The following CSMD3 variants were observed in gnomAD, a reference collection of about 807,000 sequenced individuals.
The protein encoded by CSMD3 is CUB and sushi domain-containing protein 3.
Under a neutral mutation model 435.2 loss-of-function variants are expected in CSMD3, and 177 were observed. The observed-to-expected ratio is 0.41, with a 90% confidence interval of 0.36 to 0.46. The LOEUF is 0.46. Ranked by LOEUF, CSMD3 falls within the 20% of genes least tolerant of loss-of-function variation. The pLI is 0.34. For synonymous variants in CSMD3, 1,656 were observed against 1,520.5 expected, an observed-to-expected ratio of 1.09 and a Z score of -2.07; for missense variants, 4,265 against 4,504.6, an observed-to-expected ratio of 0.95 and a Z score of 1.52.
chr8:113,304,889 A>G (rs2093805713), intron 2 of CSMD3, among the ~76,000 whole-genome samples: 1 of 133,224 alleles, frequency 7.5e-6, no homozygotes, highest in Non-Finnish European at 1.6e-5. Context: ...CAATGTGCAC[A>G]TGTACCCTAA....
chr8:112,758,309 G>C (rs1052232919), intron 13 of CSMD3, among the ~76,000 whole-genome samples: 1 of 150,192 alleles, frequency 6.7e-6, no homozygotes, highest in Non-Finnish European at 1.5e-5. Context: ...CAGGGATCGC[G>C]CCACTGTACT....
At chr8:112,504,125 T>G in intron 29 of CSMD3, 148 bp from the exon 30 acceptor site, 1 of 550,182 alleles carries the variant, frequency 1.8e-6, no homozygotes, top group Non-Finnish European at 3.1e-6. Flanking sequence ...ATATAAAAAA[T>G]CACCTGGCAA....
At chr8:112,735,090 T>C (rs769628603) in intron 13 of CSMD3, among the ~76,000 whole-genome samples, 1 of 152,024 alleles carries the variant, frequency 6.6e-6, no homozygotes, top group Non-Finnish European at 1.5e-5. Flanking sequence ...AAAGATTGTT[T>C]GGATATTGGG....
chr8:112,400,937 T>A (rs1005104453), intron 35 of CSMD3, among the ~76,000 whole-genome samples: 5 of 152,294 alleles, frequency 3.3e-5, no homozygotes, highest in African/African-American at 1.2e-4. Flanking sequence ...CCAGGCCCGG[T>A]GGCTCACACC....
chr8:112,650,135 A>G, intron 19 of CSMD3, 26 bp downstream of exon 19: 1 of 1,512,476 alleles, frequency 6.6e-7, no homozygotes. Flanking sequence ...AAATCAGCAT[A>G]TTTTGCATGT....
chr8:112,429,711 T>C (rs1481283037), intron 32 of CSMD3, among the ~76,000 whole-genome samples: 2 of 152,050 alleles, frequency 1.3e-5, no homozygotes, highest in African/African-American at 2.4e-5. Context: ...TAAAGTCACA[T>C]TGAACTTTAC....
chr8:112,239,634 T>C (rs1365528743), intron 66 of CSMD3, among the ~76,000 whole-genome samples: 1 of 152,116 alleles, frequency 6.6e-6, no homozygotes, highest in East Asian at 1.9e-4. Flanking sequence ...CATTTTCTTT[T>C]ATTAGTTCTA....
At chr8:113,397,541 C>T (rs1474736479) in intron 1 of CSMD3, among the ~76,000 whole-genome samples, 1 of 152,014 alleles carries the variant, frequency 6.6e-6, no homozygotes, top group Non-Finnish European at 1.5e-5. Context: ...AGACTGTGGG[C>T]CGGGCGCGGT....
intron 42 of CSMD3, among the ~76,000 whole-genome samples, 175 bp downstream of exon 42, chr8:112,341,302 T>C (rs1825085618): frequency 6.6e-6 from 1 of 151,928 alleles, no homozygotes; most frequent in Non-Finnish European, 1.5e-5. Context: ...TCTCCCTGTG[T>C]AGTTCCCAGA....
At chr8:112,300,773 A>G (rs1820846979) in intron 53 of CSMD3, among the ~76,000 whole-genome samples, 1 of 152,182 alleles carries the variant, frequency 6.6e-6, no homozygotes, top group African/African-American at 2.4e-5. Context: ...GAGAAGGAGA[A>G]AAAAGACATT....
chr8:112,769,202 T>G (rs887015932), intron 13 of CSMD3, among the ~76,000 whole-genome samples: 2 of 151,992 alleles, frequency 1.3e-5, no homozygotes, highest in Non-Finnish European at 2.9e-5. Flanking sequence ...TTATGATATA[T>G]TCTCAATATA....
chr8:112,683,725 T>C (rs940185413), intron 15 of CSMD3, among the ~76,000 whole-genome samples: 2 of 151,922 alleles, frequency 1.3e-5, no homozygotes, highest in African/African-American at 4.8e-5. Flanking sequence ...TTATAACTTA[T>C]TATTATATTC....
intron 4 of CSMD3, among the ~76,000 whole-genome samples, chr8:113,112,434 T>TATATATATATGTATATAC (rs2090680224): frequency 9.5e-5 from 2 of 21,072 alleles, no homozygotes; most frequent in Non-Finnish European, 1.5e-4. Flanking sequence ...TATATATATA[T>TATATATATATGTATATAC]ATATATATAT....
intron 3 of CSMD3, among the ~76,000 whole-genome samples, chr8:113,224,592 G>T (rs753671406): frequency 6.6e-5 from 10 of 151,066 alleles, no homozygotes; most frequent in Middle Eastern, 6.8e-3. Flanking sequence ...TACATTAGAG[G>T]CAACTAAAAT....
chr8:112,331,684 T>C (rs1211509304), intron 45 of CSMD3, among the ~76,000 whole-genome samples: 1 of 151,920 alleles, frequency 6.6e-6, no homozygotes, highest in Non-Finnish European at 1.5e-5. Context: ...AAAATAAATA[T>C]ACAAGTCTTG....
chr8:112,698,780 G>C (rs1450277546), intron 13 of CSMD3, among the ~76,000 whole-genome samples: 1 of 152,148 alleles, frequency 6.6e-6, no homozygotes, highest in African/African-American at 2.4e-5. Context: ...TCTCCATAAA[G>C]AGGTGAAAGG....
chr8:113,225,879 T>C (rs1468696493), intron 3 of CSMD3, among the ~76,000 whole-genome samples: 3 of 151,560 alleles, frequency 2.0e-5, no homozygotes, highest in Non-Finnish European at 4.4e-5. Context: ...TCCCCACTTG[T>C]TGAAGAACGG....
At position 112,341,472 on chromosome 8, in the gene CSMD3, C is replaced by A. The variant is rs993702828; in HGVS notation, c.6652+5G>T. ...TAAATTTTCATTTTTTATTATTTCTCTTACCTTGGTATACAATATGAAACC... is the reference window on the plus strand; with the variant it reads ...TAAATTTTCATTTTTTATTATTTCTATTACCTTGGTATACAATATGAAACC... On this transcript the variant is annotated splice_donor_5th_base_variant and intron_variant, in intron 42 of 70. Transcript: ENST00000297405. 1 of 1,568,248 alleles carries A rather than the reference C, an allele frequency of 6.4e-7. No homozygotes were observed. The highest frequency in any genetic ancestry group is 1.7e-4 in the Middle Eastern group (1 of 5,966).
intron 28 of CSMD3, among the ~76,000 whole-genome samples, chr8:112,514,642 C>T (rs1277285066): frequency 6.6e-6 from 1 of 151,976 alleles, no homozygotes; most frequent in Admixed American, 6.6e-5. Context: ...GTAATTTACA[C>T]GCTGTCAATT....
Sources: gnomAD v4.1 joint callset for allele counts (sites outside exome capture counted in the v4.1 genomes callset) on GRCh38, gnomAD v4.1.1 for gene constraint, MANE v1.5 for transcripts, NCBI Gene and HGNC (gene_info 2026-07-23, HGNC 2026-07-21) for gene names.